A2M: variants seen among roughly 807,000 people sequenced by gnomAD.
The protein encoded by A2M is alpha-2-macroglobulin, also known as C3 and PZP-like alpha-2-macroglobulin domain-containing protein 5.
A2M carries 128 observed loss-of-function variants against 183.9 expected under a neutral mutation model. The observed-to-expected ratio is 0.70, with a 90% CI of 0.60 to 0.81. A2M has a LOEUF of 0.81. Ranked by LOEUF, A2M falls within the 30% of genes least tolerant of loss-of-function variation. A2M has a pLI of 0.00. For missense variants in A2M, 1,495 were observed against 1,787.6 expected, an observed-to-expected ratio of 0.84 and a Z score of 2.95; for synonymous variants, 592 against 670.8, an observed-to-expected ratio of 0.88 and a Z score of 1.81.
chr12:9,074,807 T>C lies in A2M; in HGVS notation c.3533-24A>G, dbSNP rs1157631143. On this transcript the variant is annotated intron_variant, in intron 28 of 35. Transcript: ENST00000318602. ...GTCTTAAAGATGAGAAAAAGATATT[T>C]ATAAGTGCCTACATATTTATATTTA... 3.8e-6 allele frequency: 6 copies of C among 1,571,520 alleles called. No homozygotes were observed. In the East Asian group the frequency reaches 1.4e-4, roughly 37 times the overall value.
rs55761427 is a variant in A2M at position 9,090,421 on chromosome 12, G to A, written c.2531C>T (p.Ala844Val). The A allele has an allele frequency of 0.022, 36,169 of 1,613,968 alleles. 488 individuals are homozygous for A. Among genetic ancestry groups the A allele is most frequent in the Non-Finnish European group, 0.026 (30,208 of 1,179,878 alleles). ...FLAVPVEKEQ[A>V]PHCICANGRQ... ...CCCGTTTGCACAGATGCAGTGAGGC[G>A]CTTGTTCCTTCTCCACTGGGACAGC... is the stretch of plus-strand genomic sequence containing the variant. The change falls in exon 20 of 36, where the codon GCG becomes GTG. Residue 844 changes from alanine to valine, a missense_variant. Coordinates refer to ENST00000318602, the MANE Select transcript of A2M (RefSeq NM_000014.6).
At position 9,112,239 on chromosome 12, in the gene A2M, C is replaced by T. The variant is rs370096500; in HGVS notation, c.431-28G>A. ...GAAACAGAAATATTTTTCATGAGCC[C>T]CCAAACCCAAAGTAGGCCTGTAGGC... On this transcript the variant is annotated intron_variant, in intron 3 of 35. Transcript: ENST00000318602. 61 of 1,613,630 alleles carry T rather than the reference C, an allele frequency of 3.8e-5. No homozygotes were observed. The African/African-American group carries it at 7.3e-4, about 19-fold the overall frequency.
chr12:9,104,449 C>T, intron 10 of A2M, 49 bp from the exon 11 acceptor site: 1 of 1,517,934 alleles, frequency 6.6e-7, no homozygotes, highest in Non-Finnish European at 8.9e-7. Flanking sequence ...AACTAATAGG[C>T]ACCAAACATA....
At chr12:9,112,945 T>G (rs1938851693) in intron 2 of A2M, among the ~76,000 whole-genome samples, 1 of 152,202 alleles carries the variant, frequency 6.6e-6, no homozygotes, top group Non-Finnish European at 1.5e-5. Context: ...TCTGAAGAGA[T>G]ATTACACCTT....
chr12:9,071,992 TAAG>T (rs1948593992), intron 31 of A2M, among the ~76,000 whole-genome samples: 2 of 152,350 alleles, frequency 1.3e-5, no homozygotes, highest in South Asian at 4.1e-4. Context: ...GAATTCTAAC[TAAG>T]GAGTCACTAC....
intron 22 of A2M, among the ~76,000 whole-genome samples, chr12:9,085,144 A>C (rs1949017224): frequency 6.6e-6 from 1 of 152,112 alleles, no homozygotes; most frequent in East Asian, 1.9e-4. Flanking sequence ...TTAATAAGAA[A>C]ACGTTGAACT....
At chr12:9,101,054 A>G in intron 13 of A2M, 90 bp downstream of exon 13, 2 of 1,235,358 alleles carry the variant, frequency 1.6e-6, no homozygotes, top group Non-Finnish European at 2.3e-6. Flanking sequence ...AAACCTATGG[A>G]AAAAAAGGGA....
At chr12:9,086,262 C>T (rs1949049530) in intron 22 of A2M, among the ~76,000 whole-genome samples, 1 of 152,144 alleles carries the variant, frequency 6.6e-6, no homozygotes, top group Admixed American at 6.5e-5. Flanking sequence ...AGCATAGCAG[C>T]TAAGCATGGT....
chr12:9,093,439 T>C (rs1200352097), intron 18 of A2M, 26 bp downstream of exon 18: 1 of 1,501,560 alleles, frequency 6.7e-7, no homozygotes, highest in Non-Finnish European at 9.3e-7. Flanking sequence ...TATTGTTGCA[T>C]ATTGCATATG....
chr12:9,086,174 A>G (rs1949046856), intron 22 of A2M, among the ~76,000 whole-genome samples: 1 of 152,016 alleles, frequency 6.6e-6, no homozygotes. Flanking sequence ...TACCAATGTC[A>G]TAAAAAGACA....
At chr12:9,110,759 T>C (rs1159065095) in intron 4 of A2M, among the ~76,000 whole-genome samples, 1 of 152,126 alleles carries the variant, frequency 6.6e-6, no homozygotes, top group Non-Finnish European at 1.5e-5. Context: ...TATAGAATAA[T>C]TCCCTCTATA....
intron 30 of A2M, 24 bp from the exon 31 acceptor site, chr12:9,072,510 C>T (rs1221399064): frequency 2.5e-6 from 4 of 1,604,730 alleles, no homozygotes; most frequent in Non-Finnish European, 2.5e-6. Context: ...AAGACAAAAT[C>T]AGTTTTTTGC....
At chr12:9,094,121 T>G (rs956785918) in intron 17 of A2M, among the ~76,000 whole-genome samples, 2 of 151,982 alleles carry the variant, frequency 1.3e-5, no homozygotes, top group African/African-American at 4.8e-5. Flanking sequence ...AAGTTTCCAT[T>G]GGTGTGCTCC....
chr12:9,111,240 G>A (rs1186162857), intron 4 of A2M, among the ~76,000 whole-genome samples: 10 of 151,964 alleles, frequency 6.6e-5, no homozygotes, highest in South Asian at 2.1e-4. Context: ...ATATAACCAC[G>A]CACAAAAGAA....
Position 9,112,147 on chromosome 12 carries a change from T to C in A2M, c.483+12A>G, listed in dbSNP as rs759636281. The C allele has an allele frequency of 2.5e-6, 4 of 1,613,334 alleles. No individual in the cohort carries two copies. The East Asian group carries it at 6.7e-5, about 27-fold the overall frequency. ...ACAGACAATCATTTTATGTAGATAATAGAAAACTCACCAACTCATTCAGGG... is the reference window on the plus strand; with the variant it reads ...ACAGACAATCATTTTATGTAGATAACAGAAAACTCACCAACTCATTCAGGG... On this transcript the variant is annotated intron_variant, in intron 4 of 35. Coordinates refer to ENST00000318602, the MANE Select transcript of A2M (RefSeq NM_000014.6).
At chr12:9,112,315 A>G in intron 3 of A2M, 62 bp downstream of exon 3, 1 of 1,598,178 alleles carries the variant, frequency 6.3e-7, no homozygotes, top group Non-Finnish European at 8.6e-7. Flanking sequence ...TTGCCTGGGG[A>G]ACATCCAGGG....
chr12:9,070,849 T>C (rs1409905212), intron 31 of A2M, among the ~76,000 whole-genome samples: 1 of 151,922 alleles, frequency 6.6e-6, no homozygotes, highest in Non-Finnish European at 1.5e-5. Context: ...ATGGAGTTTT[T>C]CACTCTTCTT....
At position 9,106,251 on chromosome 12, in the gene A2M, A is replaced by T; in HGVS notation, c.1089T>A (p.Ile363=). The T allele has an allele frequency of 6.2e-7, 1 of 1,610,254 alleles. No individual in the cohort carries two copies. Among genetic ancestry groups the T allele is most frequent in the East Asian group, 2.2e-5 (1 of 44,842 alleles). The change falls in exon 10 of 36, where the codon ATT becomes ATA. Residue 363 remains isoleucine (I), a synonymous_variant. Transcript: ENST00000318602. ...VKVDSHFRQG[I]PFFGQVRLVD... is the part of the protein sequence containing the mutation. ...AATACTCCACCTGCCCAAAGAAGGG[A>T]ATTCCCTGTCGAAAGTGTGAGTCCA...
intron 28 of A2M, among the ~76,000 whole-genome samples, chr12:9,075,376 G>A (rs1476663244): frequency 6.6e-6 from 1 of 152,072 alleles, no homozygotes; most frequent in Non-Finnish European, 1.5e-5. Context: ...GCATAATTTG[G>A]AGAAACACAG....
Sources: gnomAD v4.1 joint callset for allele counts (sites outside exome capture counted in the v4.1 genomes callset) on GRCh38, gnomAD v4.1.1 for gene constraint, MANE v1.5 for transcripts, NCBI Gene and HGNC (gene_info 2026-07-23, HGNC 2026-07-21) for gene names.